Variants in CSRNP2 observed in about 807,000 individuals in gnomAD.
The protein encoded by CSRNP2 is cysteine and serine rich nuclear protein 2, also known as cysteine/serine-rich nuclear protein 2.
CSRNP2 carries 11 observed loss-of-function variants against 36.6 expected under a neutral mutation model. The observed-to-expected ratio is 0.30, with a 90% CI of 0.19 to 0.50. CSRNP2 has a LOEUF of 0.50. Ranked by LOEUF, CSRNP2 falls within the 20% of genes least tolerant of loss-of-function variation. The pLI is 0.98. For missense variants in CSRNP2, 483 were observed against 691.4 expected, an observed-to-expected ratio of 0.70 and a Z score of 3.38; for synonymous variants, 248 against 275.3, an observed-to-expected ratio of 0.90 and a Z score of 0.98.
At chr12:51,068,301 G>C (rs1938614435) in intron 3 of CSRNP2, among the ~76,000 whole-genome samples, 1 of 152,124 alleles carries the variant, frequency 6.6e-6, no homozygotes, top group Non-Finnish European at 1.5e-5. Context: ...ACAGGCGTGA[G>C]TCACCAGCCT....
chr12:51,079,655 C>T (rs1939539940), intron 1 of CSRNP2, among the ~76,000 whole-genome samples: 1 of 146,176 alleles, frequency 6.8e-6, no homozygotes, highest in African/African-American at 2.7e-5. Flanking sequence ...TGCCTGTAAT[C>T]CAGCTACTCA....
chr12:51,063,573 T>A lies in CSRNP2; in HGVS notation c.*173A>T. ...ATCAAGGTAGGGCTGGTCTCCTTGG[T>A]ACTGTTTCCCTTTTAAAAAATACTC... is the stretch of plus-strand genomic sequence containing the variant. On this transcript the variant is annotated 3_prime_UTR_variant, in exon 5 of 5. Transcript: ENST00000228515. 1 of 550,894 alleles carries A rather than the reference T, an allele frequency of 1.8e-6. No individual in the cohort carries two copies. Among genetic ancestry groups the A allele is most frequent in the South Asian group, 3.3e-5 (1 of 30,350 alleles). 34.1% of individuals were successfully genotyped at this position (550,894 alleles called of 1,614,324 possible).
intron 4 of CSRNP2, among the ~76,000 whole-genome samples, chr12:51,066,126 C>T (rs1052482013): frequency 6.6e-6 from 1 of 151,582 alleles, no homozygotes; most frequent in Non-Finnish European, 1.5e-5. Flanking sequence ...TTGAGACCTG[C>T]CCGGCCAACA....
chr12:51,066,045 C>G (rs1938211584), intron 4 of CSRNP2, among the ~76,000 whole-genome samples: 1 of 152,150 alleles, frequency 6.6e-6, no homozygotes, highest in African/African-American at 2.4e-5. Flanking sequence ...AGGGGCCAGG[C>G]ACGGTGGCTC....
intron 3 of CSRNP2, among the ~76,000 whole-genome samples, chr12:51,071,259 C>CA (rs34960606): frequency 0.013 from 1,554 of 118,584 alleles, 51 homozygotes; most frequent in African/African-American, 0.039. Flanking sequence ...GACCCTGCAT[C>CA]AAAAAAAAAA....
At position 51,064,120 on chromosome 12, in the gene CSRNP2, A is replaced by G; in HGVS notation, c.1258T>C (p.Tyr420His). Residue 420 changes from tyrosine (Y) to histidine (H), a missense_variant, in exon 5 of 5, where the codon TAT (tyrosine) becomes CAT (histidine). This residue lies in a region of CSRNP2 where 277 missense variants were observed against 323.6 expected (regional missense o/e 0.86). Transcript: ENST00000228515. Reference protein sequence around the residue: ...SYLNSGPLVYYQVEQRPVLGV... With the variant: ...SYLNSGPLVYHQVEQRPVLGV... ...AAGACTGGCCTCTGCTCCACTTGAT[A>G]ATAGACCAGGGGCCCACTGTTCAAG... is the stretch of plus-strand genomic sequence containing the variant. 1 of 1,614,166 alleles carries G rather than the reference A, an allele frequency of 6.2e-7. No individual in the cohort carries two copies. The highest frequency in any genetic ancestry group is 8.5e-7 in the Non-Finnish European group (1 of 1,180,024).
chr12:51,069,618 CTGTA>C (rs943454617), intron 3 of CSRNP2, among the ~76,000 whole-genome samples: 2 of 150,364 alleles, frequency 1.3e-5, no homozygotes, highest in African/African-American at 5.0e-5. Flanking sequence ...CAAAGAAAAG[CTGTA>C]TGTGAGGAAA....
chr12:51,073,274 G>A (rs1939261883), intron 3 of CSRNP2, among the ~76,000 whole-genome samples: 1 of 151,846 alleles, frequency 6.6e-6, no homozygotes, highest in African/African-American at 2.4e-5. Flanking sequence ...GGAGGCAGTG[G>A]GGGTTTGGGA....
chr12:51,071,484 G>T lies in CSRNP2; in HGVS notation c.411+2339C>A, dbSNP rs181328140. ...GATTCCTCTTGACATATAAAGATAAGCCTGGTGCAGTGGCCCACACCTGTA... is the reference window on the plus strand; with the variant it reads ...GATTCCTCTTGACATATAAAGATAATCCTGGTGCAGTGGCCCACACCTGTA... On this transcript the variant is annotated intron_variant, in intron 3 of 4. Coordinates refer to ENST00000228515, the MANE Select transcript of CSRNP2 (RefSeq NM_030809.3). 6.6e-5 allele frequency among the ~76,000 whole-genome samples: 10 copies of T among 152,146 alleles called. No homozygotes were observed. In the East Asian group the frequency reaches 1.4e-3, roughly 21 times the overall value.
rs374563731 is a variant in CSRNP2, at chr12:51,074,099, G to C, written c.152-17C>G. 2.5e-6 allele frequency: 4 copies of C among 1,604,472 alleles called. No homozygotes were observed. Among genetic ancestry groups the C allele is most frequent in the Admixed American group, 1.7e-5 (1 of 57,212 alleles). ...TGGATGTGGCTGAGAAGGGAGCACA[G>C]AGAGATGTTTTATTTATTTTTCTAT... On this transcript the variant is annotated splice_polypyrimidine_tract_variant and intron_variant, in intron 2 of 4. Transcript: ENST00000228515.
chr12:51,067,641 A>G lies in CSRNP2; in HGVS notation c.708+32T>C. 1 of 1,600,596 alleles carries G rather than the reference A, an allele frequency of 6.2e-7. No individual in the cohort carries two copies. The highest frequency in any genetic ancestry group is 1.3e-5 in the African/African-American group (1 of 74,878). Reference sequence around the variant, plus strand: ...CACCTCACCCCGCTGACCCTGGTGTAGATATACTATCTCAGGCCAACTTGG... The same window carrying G: ...CACCTCACCCCGCTGACCCTGGTGTGGATATACTATCTCAGGCCAACTTGG... On this transcript the variant is annotated intron_variant, in intron 4 of 4. Transcript: ENST00000228515. The surrounding 1 kb of genome is among the most constrained non-coding windows in gnomAD (Gnocchi z 4.1).
Position 51,061,317 on chromosome 12 carries a change from T to C in CSRNP2, c.*2429A>G, listed in dbSNP as rs1948822211. The C allele has an allele frequency of 1.3e-5, 2 of 152,606 alleles. No individual in the cohort carries two copies. The highest frequency in any genetic ancestry group is 1.5e-5 in the Non-Finnish European group (1 of 68,026). The allele number at this position is 152,606 out of a possible 1,614,324, so 9.5% of individuals were successfully genotyped here. On this transcript the variant is annotated 3_prime_UTR_variant, in exon 5 of 5. Transcript: ENST00000228515. ...ATTATTTTCAGAGAACCAGACAAGC[T>C]TTGGATTCACATTGAAAATACTACC...
intron 3 of CSRNP2, among the ~76,000 whole-genome samples, chr12:51,069,287 C>CTTTTTTTTTTT (rs71089740): frequency 8.2e-6 from 1 of 121,328 alleles, no homozygotes; most frequent in Non-Finnish European, 1.7e-5. Context: ...CTTCTCCTTT[C>CTTTTTTTTTTT]TTTTTTTTTT....
chr12:51,069,287 CTT>C (rs71089740), intron 3 of CSRNP2, among the ~76,000 whole-genome samples: 56 of 121,272 alleles, frequency 4.6e-4, no homozygotes, highest in South Asian at 1.1e-3. Flanking sequence ...CTTCTCCTTT[CTT>C]TTTTTTTTTT....
Position 51,064,108 on chromosome 12 carries a change from G to C in CSRNP2, c.1270C>G (p.Gln424Glu). The C allele has an allele frequency of 6.2e-7, 1 of 1,614,164 alleles. No individual in the cohort carries two copies. Among genetic ancestry groups the C allele is most frequent in the South Asian group, 1.1e-5 (1 of 91,082 alleles). Reference sequence around the variant, plus strand: ...CCTTTCACTCCCAAGACTGGCCTCTGCTCCACTTGATAATAGACCAGGGGC... The same window carrying C: ...CCTTTCACTCCCAAGACTGGCCTCTCCTCCACTTGATAATAGACCAGGGGC... ...SGPLVYYQVE[Q>E]RPVLGVKGEP... is the part of the protein sequence containing the mutation. Residue 424 changes from glutamine to glutamate, a missense_variant, in exon 5 of 5, where the codon CAG becomes GAG. By Grantham distance (29) the Gln-to-Glu change is conservative (BLOSUM62 2). Around this residue, in one of 2 missense-constraint regions of CSRNP2, gnomAD observed 277 missense variants for 323.6 expected, o/e 0.86. Transcript: ENST00000228515.
chr12:51,078,042 C>T (rs528898475), intron 1 of CSRNP2, among the ~76,000 whole-genome samples: 2 of 152,320 alleles, frequency 1.3e-5, no homozygotes, highest in South Asian at 2.1e-4. Context: ...CTCAGTAATG[C>T]CAGAATCTCC....
chr12:51,064,635 C>A lies in CSRNP2; in HGVS notation c.743G>T (p.Arg248Leu). ...TCCTGCCATGTTCCCACAGCCATCCCGGGAGCAGCCACATGGAAAGGACAT... is the reference window on the plus strand; with the variant it reads ...TCCTGCCATGTTCCCACAGCCATCCAGGGAGCAGCCACATGGAAAGGACAT... ...DRMSFPCGCS[R>L]DGCGNMAGRI... Residue 248 changes from arginine to leucine, a missense_variant, in exon 5 of 5, where the codon CGG becomes CTG. Arg to Leu is a moderately radical substitution (Grantham distance 102). Coordinates refer to ENST00000228515, the MANE Select transcript of CSRNP2 (RefSeq NM_030809.3). 6.5e-7 allele frequency: 1 copy of A among 1,532,898 alleles called. No individual in the cohort carries two copies. The highest frequency in any genetic ancestry group is 8.8e-7 in the Non-Finnish European group (1 of 1,138,316). The allele number at this position is 1,532,898 out of a possible 1,614,324, so 95.0% of individuals were successfully genotyped here.
At position 51,061,241 on chromosome 12, in the gene CSRNP2, T is replaced by C. The variant is rs969287596; in HGVS notation, c.*2505A>G. 6.6e-6 allele frequency: 1 copy of C among 152,592 alleles called. No individual in the cohort carries two copies. Among genetic ancestry groups the C allele is most frequent in the African/African-American group, 2.4e-5 (1 of 41,444 alleles). 9.5% of individuals were successfully genotyped at this position (152,592 alleles called of 1,614,324 possible). A position where few individuals can be genotyped will look rare whatever the true frequency, so the allele number is the denominator to read the frequency against. On this transcript the variant is annotated 3_prime_UTR_variant, in exon 5 of 5. Transcript: ENST00000228515. ...ATTTCTTTAATATTACATTTAAATA[T>C]TCTCTTTAAATACAGCATTATCACA...
Position 51,061,531 on chromosome 12 carries a change from G to GAGA in CSRNP2, c.*2212_*2214dup, listed in dbSNP as rs1250094339. On this transcript the variant is annotated 3_prime_UTR_variant, in exon 5 of 5. Coordinates refer to ENST00000228515, the MANE Select transcript of CSRNP2 (RefSeq NM_030809.3). ...CAGAAGTGAGATGGACTAGGTTGTA[G>GAGA]AGAAGGCCTTTCGCTTGACAAGACA... The GAGA allele has an allele frequency of 4.6e-5, 7 of 152,662 alleles. No individual in the cohort carries two copies. Among genetic ancestry groups the GAGA allele is most frequent in the Non-Finnish European group, 7.3e-5 (5 of 68,044 alleles). 9.5% of individuals were successfully genotyped at this position (152,662 alleles called of 1,614,324 possible). A position where few individuals can be genotyped will look rare whatever the true frequency, so the allele number is the denominator to read the frequency against.
Sources: gnomAD v4.1 joint callset for allele counts (sites outside exome capture counted in the v4.1 genomes callset) on GRCh38, gnomAD v4.1.1 for gene constraint, gnomAD v4.1.1 regional missense constraint, Gnocchi (gnomAD v3.1) non-coding constraint, MANE v1.5 for transcripts, NCBI Gene and HGNC (gene_info 2026-07-23, HGNC 2026-07-21) for gene names.